Variants in NHEJ1 observed in about 807,000 individuals in gnomAD.
The protein encoded by NHEJ1 is non-homologous end-joining factor 1.
In NHEJ1, 22 loss-of-function variants were observed where a neutral mutation model predicts 39.4. The observed-to-expected ratio is 0.56, with a 90% confidence interval of 0.40 to 0.80. The LOEUF is 0.80. Ranked by LOEUF, NHEJ1 falls within the 30% of genes least tolerant of loss-of-function variation. The pLI, the probability that NHEJ1 is intolerant of heterozygous loss-of-function variation, is 0.00. For synonymous variants in NHEJ1, 154 were observed against 135.6 expected, an observed-to-expected ratio of 1.14 and a Z score of -0.94; for missense variants, 329 against 357.1, an observed-to-expected ratio of 0.92 and a Z score of 0.63.
chr2:219,127,840 T>C (rs1349335677), intron 5 of NHEJ1, among the ~76,000 whole-genome samples: 1 of 152,260 alleles, frequency 6.6e-6, no homozygotes, highest in Admixed American at 6.5e-5. Flanking sequence ...AAAATCATCA[T>C]GGTCATTAAT....
chr2:219,160,653 A>C (rs1165224535), intron 1 of NHEJ1, 67 bp downstream of exon 1: 1 of 151,804 alleles, frequency 6.6e-6, no homozygotes. Context: ...GCCAGGGCCA[A>C]CCCGCAGCGT....
At chr2:219,148,197 T>C (rs1361408595) in intron 3 of NHEJ1, among the ~76,000 whole-genome samples, 1 of 152,190 alleles carries the variant, frequency 6.6e-6, no homozygotes, top group East Asian at 1.9e-4. Flanking sequence ...AGGCAGAGGT[T>C]GCAGTGAGCC....
At chr2:219,153,701 G>C (rs886073913) in intron 3 of NHEJ1, among the ~76,000 whole-genome samples, 2 of 130,458 alleles carry the variant, frequency 1.5e-5, no homozygotes, top group African/African-American at 2.7e-5. Flanking sequence ...AAGGGGGGGG[G>C]GGTGGAGAGA....
intron 5 of NHEJ1, among the ~76,000 whole-genome samples, chr2:219,137,301 A>C (rs1949640906): frequency 6.6e-6 from 1 of 152,106 alleles, no homozygotes; most frequent in South Asian, 2.1e-4. Flanking sequence ...GACCCCACCC[A>C]TGATCTTCCT....
Position 219,076,213 on chromosome 2 carries a change from G to A in NHEJ1, c.*168C>T. ...ACTGGCTTCCACTTGAACAGGGAAG[G>A]CCAATTCCCTGTGGGCCTGTCAACA... On this transcript the variant is annotated 3_prime_UTR_variant, in exon 8 of 8. Coordinates refer to ENST00000356853, the MANE Select transcript of NHEJ1 (RefSeq NM_024782.3). 6.9e-7 allele frequency: 1 copy of A among 1,451,048 alleles called. No individual in the cohort carries two copies. The highest frequency in any genetic ancestry group is 2.4e-4 in the Middle Eastern group (1 of 4,112). The allele number at this position is 1,451,048 out of a possible 1,614,324, so 89.9% of individuals were successfully genotyped here.
At chr2:219,087,659 C>T (rs1949123717) in intron 5 of NHEJ1, among the ~76,000 whole-genome samples, 2 of 152,106 alleles carry the variant, frequency 1.3e-5, no homozygotes, top group South Asian at 4.1e-4. Flanking sequence ...TGACGCACCA[C>T]CTCCCCCACC....
intron 5 of NHEJ1, among the ~76,000 whole-genome samples, chr2:219,144,665 T>G (rs114419857): frequency 6.6e-6 from 1 of 151,932 alleles, no homozygotes; most frequent in Admixed American, 6.6e-5. Context: ...AGGCATAAAG[T>G]ACACAGAGAA....
chr2:219,153,730 GCAAA>G (rs1949822441), intron 3 of NHEJ1, among the ~76,000 whole-genome samples: 1 of 145,880 alleles, frequency 6.9e-6, no homozygotes, highest in African/African-American at 2.6e-5. Flanking sequence ...GAGCAAGCAA[GCAAA>G]CAGAGACCCA....
At chr2:219,076,651 C>T (rs1033456200) in intron 7 of NHEJ1, among the ~76,000 whole-genome samples, 196 bp from the exon 8 acceptor site, 12 of 151,152 alleles carry the variant, frequency 7.9e-5, no homozygotes, top group African/African-American at 9.7e-5. Flanking sequence ...TCGAGCAATC[C>T]GCCTGTCTCA....
At chr2:219,110,790 C>T (rs1319300404) in intron 5 of NHEJ1, among the ~76,000 whole-genome samples, 1 of 152,046 alleles carries the variant, frequency 6.6e-6, no homozygotes, top group Non-Finnish European at 1.5e-5. Flanking sequence ...AGGTGGGGCA[C>T]CGGTCTCAGA....
chr2:219,096,493 A>G (rs1426337998), intron 5 of NHEJ1, among the ~76,000 whole-genome samples: 5 of 151,908 alleles, frequency 3.3e-5, no homozygotes, highest in Non-Finnish European at 7.3e-5. Flanking sequence ...AGCTTATATT[A>G]TAGCAGTCAA....
chr2:219,159,566 T>TATATATATATGC (rs1559206300), intron 1 of NHEJ1, among the ~76,000 whole-genome samples: 8 of 17,682 alleles, frequency 4.5e-4, no homozygotes, highest in South Asian at 5.7e-3. Flanking sequence ...TATATATGCA[T>TATATATATATGC]ATATATATGC....
chr2:219,119,924 C>A (rs1001642712), intron 5 of NHEJ1, among the ~76,000 whole-genome samples: 3 of 152,168 alleles, frequency 2.0e-5, no homozygotes, highest in African/African-American at 4.8e-5. Flanking sequence ...TTGAGAAAGA[C>A]AAATACTCAA....
chr2:219,136,016 C>T (rs1253570918), intron 5 of NHEJ1, among the ~76,000 whole-genome samples: 1 of 152,142 alleles, frequency 6.6e-6, no homozygotes, highest in African/African-American at 2.4e-5. Flanking sequence ...TGCATGATTT[C>T]GTTTTCCACA....
Position 219,147,637 on chromosome 2 carries a change from C to T in NHEJ1, c.529+20G>A. The T allele has an allele frequency of 6.2e-7, 1 of 1,614,136 alleles. No individual in the cohort carries two copies. Among genetic ancestry groups the T allele is most frequent in the Non-Finnish European group, 8.5e-7 (1 of 1,179,984 alleles). ...ATTTTTAACACGCCCCACCCAACTC[C>T]TCCAAGAATGTCCTCTTACCTCGAA... On this transcript the variant is annotated intron_variant, in intron 4 of 7. Transcript: ENST00000356853.
chr2:219,081,913 A>G (rs1949070798), intron 5 of NHEJ1, among the ~76,000 whole-genome samples: 5 of 152,242 alleles, frequency 3.3e-5, no homozygotes, highest in Admixed American at 3.3e-4. Context: ...ATGGGAAGCA[A>G]GACTAGAAGG....
At chr2:219,108,845 G>C (rs1016757951) in intron 5 of NHEJ1, among the ~76,000 whole-genome samples, 6 of 152,152 alleles carry the variant, frequency 3.9e-5, no homozygotes, top group Non-Finnish European at 8.8e-5. Context: ...AGGTATAAGA[G>C]TTAATGGCAA....
intron 5 of NHEJ1, among the ~76,000 whole-genome samples, chr2:219,085,961 T>C (rs1949108194): frequency 6.6e-6 from 1 of 152,166 alleles, no homozygotes. Context: ...TATTCAGATT[T>C]TTCTGGTTCA....
chr2:219,121,241 C>T (rs1949468676), intron 5 of NHEJ1, among the ~76,000 whole-genome samples: 1 of 151,748 alleles, frequency 6.6e-6, no homozygotes. Flanking sequence ...AAGGAGTTCC[C>T]AAAGCTTCCC....
Sources: gnomAD v4.1 joint callset for allele counts (sites outside exome capture counted in the v4.1 genomes callset) on GRCh38, gnomAD v4.1.1 for gene constraint, MANE v1.5 for transcripts, NCBI Gene and HGNC (gene_info 2026-07-23, HGNC 2026-07-21) for gene names.